OOEP: variants seen among roughly 807,000 people sequenced by gnomAD.
OOEP encodes the protein oocyte-expressed protein homolog.
A neutral mutation model predicts 13.7 loss-of-function variants in OOEP; 16 were observed. The observed-to-expected ratio is 1.16, with a 90% confidence interval of 0.79 to 1.77. OOEP has a LOEUF of 1.77. Ranked by LOEUF, OOEP falls within the 40% of genes most tolerant of loss-of-function variation. The pLI, the probability that OOEP is intolerant of heterozygous loss-of-function variation, is 0.00. For synonymous variants in OOEP, 89 were observed against 77.1 expected, an observed-to-expected ratio of 1.15 and a Z score of -0.81; for missense variants, 195 against 193.1, an observed-to-expected ratio of 1.01 and a Z score of -0.06.
At chr6:73,372,231 T>G (rs1769068952), upstream of OOEP, among the ~76,000 whole-genome samples, 1 of 152,224 alleles carries the variant, frequency 6.6e-6, no homozygotes, top group African/African-American at 2.4e-5. Context: ...TGTGGTGATC[T>G]GAGCCACACA....
intron 2 of OOEP, among the ~76,000 whole-genome samples, chr6:73,390,581 C>CTTT (rs1174507865): frequency 7.4e-6 from 1 of 135,940 alleles, no homozygotes; most frequent in Non-Finnish European, 1.6e-5. Context: ...TACCCAAAAA[C>CTTT]TTTTTTTTTT....
chr6:73,387,560 A>C (rs770542197), intron 2 of OOEP: 1 of 152,062 alleles, frequency 6.6e-6, no homozygotes, highest in Non-Finnish European at 1.5e-5. Flanking sequence ...TGCTGGATTA[A>C]TGTGAGTATT....
At chr6:73,394,687 A>G in intron 1 of OOEP, 1 of 648,110 alleles carries the variant, frequency 1.5e-6, no homozygotes, top group Non-Finnish European at 2.6e-6. Context: ...CCGATTGGCT[A>G]AAACTGGGAA....
rs199696558 is a variant in OOEP at position 73,394,978 on chromosome 6, C to G, written c.-378G>C. The G allele has an allele frequency of 2.3e-4, 369 of 1,614,240 alleles. 3 individuals are homozygous for G. In the East Asian group the frequency reaches 7.1e-3, roughly 31 times the overall value. Reference sequence around the variant, plus strand: ...TAGTCGGCGAAGCTCGACAGTGTCCCGAGCGCCAGAGAGGAGGCCGGCGGA... The same window carrying G: ...TAGTCGGCGAAGCTCGACAGTGTCCGGAGCGCCAGAGAGGAGGCCGGCGGA... On this transcript the variant is annotated 5_prime_UTR_variant, in exon 1 of 4. Transcript: ENST00000370363.
intron 2 of OOEP, among the ~76,000 whole-genome samples, chr6:73,387,400 G>A (rs1194643492): frequency 6.6e-6 from 1 of 151,894 alleles, no homozygotes; most frequent in Non-Finnish European, 1.5e-5. Context: ...TTTAATCCCG[G>A]CTACTTGGGA....
At chr6:73,392,733 G>A (rs2150784324) in intron 2 of OOEP, among the ~76,000 whole-genome samples, 1 of 133,130 alleles carries the variant, frequency 7.5e-6, no homozygotes, top group East Asian at 2.5e-4. Context: ...CCGGGTTCAA[G>A]CAATTATTCT....
intron 2 of OOEP, among the ~76,000 whole-genome samples, chr6:73,393,305 T>G (rs1769376899): frequency 6.6e-6 from 1 of 152,042 alleles, no homozygotes; most frequent in Non-Finnish European, 1.5e-5. Flanking sequence ...TTACCCAGAC[T>G]GATGTTGAAC....
intron 2 of OOEP, among the ~76,000 whole-genome samples, chr6:73,380,489 C>T (rs1229909916): frequency 1.3e-5 from 2 of 151,952 alleles, no homozygotes; most frequent in Admixed American, 1.3e-4. Context: ...GGATAAATTG[C>T]GGCAGATCCA....
chr6:73,384,731 A>T (rs529548399), intron 2 of OOEP, among the ~76,000 whole-genome samples: 1 of 151,638 alleles, frequency 6.6e-6, no homozygotes, highest in South Asian at 2.1e-4. Context: ...GCAACAAGAC[A>T]AACAAACCTT....
chr6:73,383,032 T>A (rs1413029329), intron 2 of OOEP, among the ~76,000 whole-genome samples: 1 of 150,668 alleles, frequency 6.6e-6, no homozygotes. Flanking sequence ...AGAGATGGGG[T>A]TTCCCCCTGT....
chr6:73,392,176 G>A (rs1046854007), intron 2 of OOEP, among the ~76,000 whole-genome samples: 4 of 152,170 alleles, frequency 2.6e-5, no homozygotes, highest in African/African-American at 9.7e-5. Context: ...TAACATAGAT[G>A]CAAAAATCCT....
upstream of OOEP, among the ~76,000 whole-genome samples, chr6:73,374,827 T>G (rs948841552): frequency 6.6e-6 from 1 of 152,106 alleles, no homozygotes; most frequent in Non-Finnish European, 1.5e-5. Flanking sequence ...ATTTACTTAT[T>G]TATTTATTTA....
chr6:73,369,741 C>T lies in OOEP; in HGVS notation c.52G>A (p.Ala18Thr), dbSNP rs2280286. ...CTACGCAGCTGCTCCAGGGAGTGGG[C>T]CGGAGTCTGTTTGCCCCGCTGGGAC... is the stretch of plus-strand genomic sequence containing the variant. ...AESQRGKQTP[A>T]HSLEQLRRLP... Residue 18 changes from alanine to threonine, a missense_variant, in exon 1 of 3, where the codon GCC (alanine) becomes ACC (threonine). Transcript: ENST00000370359. 0.023 allele frequency: 36,349 copies of T among 1,613,944 alleles called. 2,997 individuals are homozygous for T. The highest frequency in any genetic ancestry group is 0.21 in the Admixed American group (12,505 of 60,024).
At chr6:73,394,742 G>T in exon 1 of OOEP, 1 of 998,068 alleles carries the variant, frequency 1.0e-6, no homozygotes, top group Non-Finnish European at 1.4e-6. Flanking sequence ...CGTGAAATCA[G>T]TGCGAAGTGG....
At chr6:73,385,142 T>A (rs543541202) in intron 2 of OOEP, among the ~76,000 whole-genome samples, 4 of 151,478 alleles carry the variant, frequency 2.6e-5, no homozygotes, top group Non-Finnish European at 4.4e-5. Context: ...GTCAGGAGAT[T>A]GAGACCATCC....
At chr6:73,385,300 T>C (rs1021533782) in intron 2 of OOEP, among the ~76,000 whole-genome samples, 1 of 151,490 alleles carries the variant, frequency 6.6e-6, no homozygotes, top group Non-Finnish European at 1.5e-5. Flanking sequence ...GAGCCAAGAT[T>C]GCGCCACTGC....
chr6:73,386,650 G>A (rs989669028), intron 2 of OOEP, among the ~76,000 whole-genome samples: 1 of 151,784 alleles, frequency 6.6e-6, no homozygotes, highest in Non-Finnish European at 1.5e-5. Context: ...CTTACCTCAC[G>A]ACATACACAA....
upstream of OOEP, among the ~76,000 whole-genome samples, chr6:73,370,736 C>G (rs1769036093): frequency 6.6e-6 from 1 of 152,168 alleles, no homozygotes; most frequent in Admixed American, 6.6e-5. Flanking sequence ...AGAATAGTAT[C>G]TGCTGAATAT....
rs2150778277 is a variant in OOEP at position 73,369,616 on chromosome 6, T to C, written c.177A>G (p.Ala59=). Residue 59 remains alanine (A), a synonymous_variant, in exon 1 of 3, where the codon GCA becomes GCG. Coordinates refer to ENST00000370359, the MANE Select transcript of OOEP (RefSeq NM_001080507.3). The stretch of plus-strand genomic sequence containing the variant: ...GGGGTCGCTCACCAAAGAGCTCGTC[T>C]GCCAGCCATGCCTCTAGGTAGAACA... ...PLVFYLEAWL[A]DELFGPDRAI... is the part of the protein sequence containing the mutation. The C allele has an allele frequency of 1.9e-6, 3 of 1,613,664 alleles. No homozygotes were observed. Among genetic ancestry groups the C allele is most frequent in the Non-Finnish European group, 2.5e-6 (3 of 1,179,610 alleles).
Sources: gnomAD v4.1 joint callset for allele counts (sites outside exome capture counted in the v4.1 genomes callset) on GRCh38, gnomAD v4.1.1 for gene constraint, MANE v1.5 for transcripts, NCBI Gene and HGNC (gene_info 2026-07-23, HGNC 2026-07-21) for gene names.